The following GPC6 variants were observed in gnomAD, a reference collection of about 807,000 sequenced individuals.
GPC6 encodes the protein glypican 6.
GPC6 carries 14 observed loss-of-function variants against 55.2 expected under a neutral mutation model. The ratio of observed to expected loss-of-function variants is 0.25; its 90% CI spans 0.17 to 0.40. The LOEUF is 0.40. GPC6 is among the 10% of genes least tolerant of loss of function. GPC6 has a pLI of 1.00. For missense variants in GPC6, 641 were observed against 708.5 expected (o/e 0.90, Z 1.08); for synonymous variants, 278 against 259.6 (o/e 1.07, Z -0.68).
At chr13:93,961,826 A>G (rs1594623635) in intron 3 of GPC6, among the ~76,000 whole-genome samples, 1 of 152,128 alleles carries the variant, frequency 6.6e-6, no homozygotes, top group East Asian at 1.9e-4. Flanking sequence ...TTAACAATAA[A>G]TGTAAATAGC....
At chr13:94,037,028 A>G (rs2138733922) in intron 4 of GPC6, among the ~76,000 whole-genome samples, 1 of 152,108 alleles carries the variant, frequency 6.6e-6, no homozygotes, top group Non-Finnish European at 1.5e-5. Context: ...ATACATAGAA[A>G]TGTATTCCAT....
chr13:94,030,082 A>G (rs1883061607), intron 4 of GPC6, among the ~76,000 whole-genome samples: 1 of 150,054 alleles, frequency 6.7e-6, no homozygotes. Flanking sequence ...GGCTCACTGC[A>G]AGCTCCGCCT....
At chr13:93,296,393 T>A (rs987032853) in intron 1 of GPC6, among the ~76,000 whole-genome samples, 1 of 152,218 alleles carries the variant, frequency 6.6e-6, no homozygotes, top group African/African-American at 2.4e-5. Flanking sequence ...CCTTAATTTA[T>A]CTTCTTTTAA....
chr13:93,467,207 T>C (rs1878936293), intron 1 of GPC6, among the ~76,000 whole-genome samples: 1 of 152,196 alleles, frequency 6.6e-6, no homozygotes, highest in Non-Finnish European at 1.5e-5. Context: ...GATAACCTTA[T>C]AAAAGTGGTA....
At chr13:94,018,297 T>A (rs960359498) in intron 3 of GPC6, among the ~76,000 whole-genome samples, 1 of 151,968 alleles carries the variant, frequency 6.6e-6, no homozygotes, top group Non-Finnish European at 1.5e-5. Context: ...TAATCCTTTT[T>A]TTTTTTTTCT....
At chr13:93,521,906 T>C (rs1383032111) in intron 1 of GPC6, among the ~76,000 whole-genome samples, 4 of 152,038 alleles carry the variant, frequency 2.6e-5, no homozygotes, top group African/African-American at 9.7e-5. Context: ...GTATAGACTT[T>C]CTTTTTCCTT....
intron 2 of GPC6, among the ~76,000 whole-genome samples, chr13:93,637,770 T>A (rs1480962527): frequency 6.6e-6 from 1 of 152,102 alleles, no homozygotes; most frequent in Non-Finnish European, 1.5e-5. Flanking sequence ...CATATTGCCA[T>A]ATGAAAGTGA....
intron 3 of GPC6, among the ~76,000 whole-genome samples, chr13:93,834,711 A>G (rs996424331): frequency 6.6e-6 from 1 of 152,182 alleles, no homozygotes; most frequent in Non-Finnish European, 1.5e-5. Context: ...CTGTGTAACT[A>G]CAATTGAGTC....
chr13:94,005,155 G>T (rs1881965123), intron 3 of GPC6, among the ~76,000 whole-genome samples: 1 of 152,162 alleles, frequency 6.6e-6, no homozygotes, highest in African/African-American at 2.4e-5. Flanking sequence ...AATTGGGATT[G>T]AAGGAGGTAT....
At chr13:93,424,389 G>C (rs139871022) in intron 1 of GPC6, among the ~76,000 whole-genome samples, 1 of 152,088 alleles carries the variant, frequency 6.6e-6, no homozygotes. Context: ...GTTGGATCCC[G>C]GAGAGAAACT....
chr13:94,163,441 C>T (rs1473071787), intron 4 of GPC6, among the ~76,000 whole-genome samples: 1 of 151,964 alleles, frequency 6.6e-6, no homozygotes, highest in African/African-American at 2.4e-5. Flanking sequence ...GAAATAGAAA[C>T]TCTTTTTAAA....
intron 3 of GPC6, among the ~76,000 whole-genome samples, chr13:93,884,704 T>C (rs1352418725): frequency 6.6e-6 from 1 of 152,124 alleles, no homozygotes; most frequent in Non-Finnish European, 1.5e-5. Flanking sequence ...TTGGAAGATA[T>C]TTATTTTAAA....
intron 4 of GPC6, among the ~76,000 whole-genome samples, chr13:94,180,233 G>A (rs1888942463): frequency 6.6e-6 from 1 of 152,150 alleles, no homozygotes; most frequent in African/African-American, 2.4e-5. Context: ...CGTGACATTG[G>A]AAGTAGTTCT....
intron 3 of GPC6, among the ~76,000 whole-genome samples, chr13:93,968,946 A>G (rs1024235021): frequency 1.2e-4 from 19 of 152,186 alleles, no homozygotes; most frequent in African/African-American, 4.3e-4. Flanking sequence ...TATTTGATTT[A>G]GTTTTCCCCA....
At chr13:93,376,101 A>G (rs1437919217) in intron 1 of GPC6, among the ~76,000 whole-genome samples, 2 of 148,786 alleles carry the variant, frequency 1.3e-5, no homozygotes, top group African/African-American at 2.5e-5. Context: ...CAGAGAGGAC[A>G]TGGAGTAAGC....
intron 4 of GPC6, among the ~76,000 whole-genome samples, chr13:94,050,562 A>G (rs570494634): frequency 1.3e-5 from 2 of 152,292 alleles, no homozygotes; most frequent in South Asian, 4.2e-4. Context: ...GTCACCAGCA[A>G]AAGCTAGCCT....
At chr13:93,718,686 T>TG (rs1450852572) in intron 2 of GPC6, among the ~76,000 whole-genome samples, 1 of 152,132 alleles carries the variant, frequency 6.6e-6, no homozygotes, top group East Asian at 1.9e-4. Context: ...TGCCTATTCA[T>TG]ATGTCCTTAA....
intron 1 of GPC6, among the ~76,000 whole-genome samples, chr13:93,262,991 C>T (rs1187046243): frequency 6.6e-6 from 1 of 152,066 alleles, no homozygotes; most frequent in Admixed American, 6.5e-5. Flanking sequence ...GGTTTGCTAG[C>T]TTTATGGGTT....
chr13:93,895,222 A>ATATG (rs372731743), intron 3 of GPC6, among the ~76,000 whole-genome samples: 1 of 53,598 alleles, frequency 1.9e-5, no homozygotes, highest in Non-Finnish European at 3.6e-5. Flanking sequence ...GTGTGTATGT[A>ATATG]TGTGTGTGTG....
Sources: allele counts gnomAD v4.1 joint callset (sites outside exome capture counted in the v4.1 genomes callset), GRCh38; gene constraint gnomAD v4.1.1; transcripts MANE v1.5; gene names NCBI Gene and HGNC (gene_info 2026-07-23, HGNC 2026-07-21).